The following DOCK3 variants were observed in gnomAD, a reference collection of about 807,000 sequenced individuals.
DOCK3 encodes the protein dedicator of cytokinesis 3, also known as dedicator of cytokinesis protein 3.
A neutral mutation model predicts 265.6 loss-of-function variants in DOCK3; 60 were observed. That is an observed-to-expected ratio of 0.23 (90% CI 0.18 to 0.28). DOCK3 has a LOEUF of 0.28. Ranked by LOEUF, DOCK3 falls within the 10% of genes least tolerant of loss-of-function variation. DOCK3 has a pLI of 1.00. For synonymous variants in DOCK3, 881 were observed against 938.0 expected (o/e 0.94, Z 1.11); for missense variants, 1,981 against 2,594.3 (o/e 0.76, Z 5.14).
At chr3:50,863,948 C>T (rs553108319) in intron 3 of DOCK3, among the ~76,000 whole-genome samples, 88 of 152,314 alleles carry the variant, frequency 5.8e-4, no homozygotes, top group Admixed American at 3.8e-3. Context: ...CGTCCACACA[C>T]TCATTTCTTT....
intron 23 of DOCK3, among the ~76,000 whole-genome samples, chr3:51,264,322 C>G (rs756554678): frequency 1.3e-5 from 2 of 152,026 alleles, no homozygotes; most frequent in African/African-American, 2.4e-5. Flanking sequence ...GGGTACATAA[C>G]GAAATTAAGG....
chr3:51,280,255 TC>T (rs2081041771), intron 27 of DOCK3, 51 bp downstream of exon 27: 2 of 1,542,340 alleles, frequency 1.3e-6, no homozygotes, highest in Non-Finnish European at 1.8e-6. Flanking sequence ...CAGCCAGCAC[TC>T]CCCAGGGGCT....
At chr3:51,064,639 G>T (rs946687878) in intron 6 of DOCK3, 43 bp downstream of exon 6, 10 of 1,603,612 alleles carry the variant, frequency 6.2e-6, no homozygotes, top group Non-Finnish European at 7.7e-6. Context: ...TTTCATTTAT[G>T]ATAACTCAGT....
intron 12 of DOCK3, among the ~76,000 whole-genome samples, chr3:51,171,059 T>A (rs1005119038): frequency 6.6e-6 from 1 of 152,202 alleles, no homozygotes; most frequent in African/African-American, 2.4e-5. Flanking sequence ...ATTTTTGCCC[T>A]AACTTTCATT....
At chr3:51,248,582 G>C (rs1429777135) in intron 22 of DOCK3, among the ~76,000 whole-genome samples, 1 of 152,156 alleles carries the variant, frequency 6.6e-6, no homozygotes, top group Non-Finnish European at 1.5e-5. Flanking sequence ...GCCTCCCAAA[G>C]TGCCGAGATT....
At position 50,890,749 on chromosome 3, in the gene DOCK3, T is replaced by C. The variant is rs144838025; in HGVS notation, c.218+668T>C. Among the ~76,000 whole-genome samples the C allele has an allele frequency of 4.6e-3, 705 of 152,230 alleles. 3 individuals carry two copies. The highest frequency in any genetic ancestry group is 7.9e-3 in the Non-Finnish European group (539 of 67,980). On this transcript the variant is annotated intron_variant, in intron 4 of 52. Coordinates refer to ENST00000266037, the MANE Select transcript of DOCK3 (RefSeq NM_004947.5). ...GTAGCTTCCTAAAGTAGAAATACTA[T>C]TCTTGACTGCAGGGTGAGTAAGCAT...
intron 5 of DOCK3, among the ~76,000 whole-genome samples, chr3:51,015,062 A>C (rs953375730): frequency 6.6e-6 from 1 of 152,118 alleles, no homozygotes; most frequent in Non-Finnish European, 1.5e-5. Flanking sequence ...TCTAAATATA[A>C]GGTCATATTA....
At chr3:50,938,465 A>C (rs966438320) in intron 5 of DOCK3, among the ~76,000 whole-genome samples, 2 of 152,190 alleles carry the variant, frequency 1.3e-5, no homozygotes, top group African/African-American at 4.8e-5. Context: ...ATCAGGATAC[A>C]GATTCTTTTC....
intron 23 of DOCK3, among the ~76,000 whole-genome samples, chr3:51,268,204 GA>G (rs2080303391): frequency 6.6e-6 from 1 of 152,112 alleles, no homozygotes. Context: ...AGTATGGGAA[GA>G]AAATTTGCTT....
intron 9 of DOCK3, among the ~76,000 whole-genome samples, chr3:51,111,815 G>A (rs1475762903): frequency 2.0e-5 from 3 of 152,082 alleles, no homozygotes; most frequent in South Asian, 2.1e-4. Context: ...CTGTGCACCC[G>A]ACAAAGGTCT....
intron 5 of DOCK3, among the ~76,000 whole-genome samples, chr3:50,978,101 A>C (rs2077537649): frequency 6.6e-6 from 1 of 151,940 alleles, no homozygotes; most frequent in African/African-American, 2.4e-5. Context: ...GTCCTCCCGT[A>C]GCTCAGAGTA....
chr3:51,013,429 G>A (rs2079029067), intron 5 of DOCK3, among the ~76,000 whole-genome samples: 1 of 152,186 alleles, frequency 6.6e-6, no homozygotes, highest in African/African-American at 2.4e-5. Flanking sequence ...GTCTGTTGGA[G>A]TTTTTTGGAG....
rs2088672559 is a variant in DOCK3 at position 51,381,845 on chromosome 3, G to A, written c.*286G>A. ...CAGTAGATGCTTTCTTCCTCCTGCAGTTCTGGACCATGTGGAGCTACATGG... is the reference window on the plus strand; with the variant it reads ...CAGTAGATGCTTTCTTCCTCCTGCAATTCTGGACCATGTGGAGCTACATGG... On this transcript the variant is annotated 3_prime_UTR_variant, in exon 53 of 53. Coordinates refer to ENST00000266037, the MANE Select transcript of DOCK3 (RefSeq NM_004947.5). The surrounding 1 kb of genome is among the most constrained non-coding windows in gnomAD (Gnocchi z 5.6). 1 of 343,798 alleles carries A rather than the reference G, an allele frequency of 2.9e-6. No homozygotes were observed. The highest frequency in any genetic ancestry group is 5.3e-6 in the Non-Finnish European group (1 of 189,486). The allele number at this position is 343,798 out of a possible 1,614,324, so 21.3% of individuals were successfully genotyped here. A position where few individuals can be genotyped will look rare whatever the true frequency, so the allele number is the denominator to read the frequency against.
intron 7 of DOCK3, among the ~76,000 whole-genome samples, chr3:51,076,787 G>C (rs1560027930): frequency 6.6e-6 from 1 of 152,140 alleles, no homozygotes; most frequent in African/African-American, 2.4e-5. Flanking sequence ...GGTTTCCTGG[G>C]AGTAGGAAAA....
chr3:51,339,687 C>T (rs766413245), intron 37 of DOCK3, among the ~76,000 whole-genome samples: 4 of 152,202 alleles, frequency 2.6e-5, no homozygotes, highest in Admixed American at 6.5e-5. Context: ...CTGAGAACCA[C>T]GCTGAATCGG....
rs1576937095 is a variant in DOCK3 at position 51,361,719 on chromosome 3, G to A, written c.5007-140G>A. ...CTCAGGACTGCTCCAGGCCTCAGATGGGTATGAGCATTGACTATGGAACCC... is the reference window on the plus strand; with the variant it reads ...CTCAGGACTGCTCCAGGCCTCAGATAGGTATGAGCATTGACTATGGAACCC... On this transcript the variant is annotated intron_variant, in intron 47 of 52. Transcript: ENST00000266037. This position sits in a 1 kb window ranked among gnomAD's most constrained non-coding sequence, Gnocchi z 4.2. 3 of 1,148,320 alleles carry A rather than the reference G, an allele frequency of 2.6e-6. No individual in the cohort carries two copies. Among genetic ancestry groups the A allele is most frequent in the Non-Finnish European group, 3.6e-6 (3 of 826,314 alleles). 71.1% of individuals were successfully genotyped at this position (1,148,320 alleles called of 1,614,324 possible). A position where few individuals can be genotyped will look rare whatever the true frequency, so the allele number is the denominator to read the frequency against.
At chr3:51,086,472 A>T (rs1420641932) in intron 7 of DOCK3, among the ~76,000 whole-genome samples, 2 of 152,030 alleles carry the variant, frequency 1.3e-5, no homozygotes, top group Admixed American at 6.6e-5. Flanking sequence ...AGTCAGAAAC[A>T]AAAAAGGATA....
intron 13 of DOCK3, among the ~76,000 whole-genome samples, chr3:51,213,877 A>G (rs900962357): frequency 2.0e-5 from 3 of 152,132 alleles, no homozygotes; most frequent in Non-Finnish European, 2.9e-5. Context: ...AGACAACTCA[A>G]TCTCCCAGAC....
intron 24 of DOCK3, among the ~76,000 whole-genome samples, chr3:51,274,401 A>C (rs1335678896): frequency 6.6e-6 from 1 of 152,218 alleles, no homozygotes; most frequent in Non-Finnish European, 1.5e-5. Context: ...GAGTTCAGTC[A>C]GCGTAGTTCA....
Sources: allele counts gnomAD v4.1 joint callset (sites outside exome capture counted in the v4.1 genomes callset), GRCh38; gene constraint gnomAD v4.1.1; non-coding constraint Gnocchi (gnomAD v3.1); transcripts MANE v1.5; gene names NCBI Gene and HGNC (gene_info 2026-07-23, HGNC 2026-07-21).